Variants in TRHDE observed in about 807,000 individuals in gnomAD.
TRHDE encodes thyrotropin releasing hormone degrading enzyme, also known as thyrotropin-releasing hormone-degrading ectoenzyme.
TRHDE carries 72 observed loss-of-function variants against 125.7 expected under a neutral mutation model. That is an observed-to-expected ratio of 0.57 (90% CI 0.47 to 0.70). The LOEUF (loss-of-function observed/expected upper bound fraction) is 0.70, where lower values mean the gene tolerates loss of function less well. Among genes scored for constraint, TRHDE ranks in the 30% least tolerant of loss-of-function variants. The pLI is 0.00. For synonymous variants in TRHDE, 509 were observed against 509.1 expected (o/e 1.00, Z 0.00); for missense variants, 1,110 against 1,327.1 (o/e 0.84, Z 2.54).
intron 3 of TRHDE, among the ~76,000 whole-genome samples, chr12:72,404,677 G>A (rs1054599895): frequency 1.3e-5 from 2 of 152,028 alleles, no homozygotes; most frequent in African/African-American, 4.8e-5. Flanking sequence ...CATGACAACA[G>A]CACAAGAAAG....
chr12:72,553,319 G>A (rs1049666490), intron 7 of TRHDE, among the ~76,000 whole-genome samples: 3 of 152,080 alleles, frequency 2.0e-5, no homozygotes, highest in Non-Finnish European at 4.4e-5. Flanking sequence ...TACTATAATT[G>A]AAGGACAGTA....
At chr12:72,341,115 T>G (rs1870063872) in intron 2 of TRHDE, among the ~76,000 whole-genome samples, 1 of 151,578 alleles carries the variant, frequency 6.6e-6, no homozygotes, top group Admixed American at 6.6e-5. Context: ...CATTCTATTC[T>G]ATCAGGCTTT....
At chr12:72,167,974 A>G (rs1460243032) in intron 2 of TRHDE, among the ~76,000 whole-genome samples, 1 of 152,178 alleles carries the variant, frequency 6.6e-6, no homozygotes, top group Non-Finnish European at 1.5e-5. Context: ...CTAATCCTAT[A>G]TTGGTGGGCA....
At chr12:72,296,520 T>G (rs778276834) in intron 2 of TRHDE, among the ~76,000 whole-genome samples, 1 of 151,870 alleles carries the variant, frequency 6.6e-6, no homozygotes, top group Non-Finnish European at 1.5e-5. Flanking sequence ...TATTGTTGAT[T>G]TGTTAGTAAT....
In TRHDE at chr12:72,571,974, AACACAC is replaced by A. The variant is rs59206098; in HGVS notation, c.2132-3242_2132-3237del. On this transcript the variant is annotated intron_variant, in intron 10 of 18. Transcript: ENST00000261180. ...TTCCTACCGTTCCCCTGACTCTGCAAACACACACACACACACACACACACACACACA... is the reference window on the plus strand; with the variant it reads ...TTCCTACCGTTCCCCTGACTCTGCAAACACACACACACACACACACACACA... Among the ~76,000 whole-genome samples the A allele has an allele frequency of 1.8e-3, 233 of 127,514 alleles. 3 individuals are homozygous for A. The highest frequency in any genetic ancestry group is 8.1e-3 in the Middle Eastern group (2 of 246). 83.7% of individuals were successfully genotyped at this position (127,514 alleles called of 152,430 possible).
intron 5 of TRHDE, among the ~76,000 whole-genome samples, chr12:72,498,732 G>A (rs759667273): frequency 5.3e-5 from 8 of 152,070 alleles, no homozygotes; most frequent in Non-Finnish European, 7.4e-5. Flanking sequence ...TTTTAACATA[G>A]CAAATCAGCT....
At chr12:72,318,525 C>T (rs867993986) in intron 2 of TRHDE, among the ~76,000 whole-genome samples, 6 of 152,046 alleles carry the variant, frequency 3.9e-5, no homozygotes, top group Non-Finnish European at 7.4e-5. Context: ...TGACCTTGGC[C>T]GGTGCTGATG....
intron 2 of TRHDE, among the ~76,000 whole-genome samples, chr12:72,227,819 T>C (rs1371866471): frequency 6.6e-6 from 1 of 152,204 alleles, no homozygotes. Context: ...ATGAAGGGGC[T>C]ACAGGACCCA....
intron 5 of TRHDE, among the ~76,000 whole-genome samples, chr12:72,475,881 A>C (rs568559352): frequency 6.6e-6 from 1 of 152,288 alleles, no homozygotes; most frequent in South Asian, 2.1e-4. Flanking sequence ...AATAGTGAGA[A>C]GAAACAAGTC....
At chr12:72,538,464 A>C (rs1217581514) in intron 6 of TRHDE, among the ~76,000 whole-genome samples, 1 of 152,030 alleles carries the variant, frequency 6.6e-6, no homozygotes, top group Non-Finnish European at 1.5e-5. Flanking sequence ...TGCAAGTCAT[A>C]AAACAGAATA....
intron 3 of TRHDE, 40 bp from the exon 4 acceptor site, chr12:72,469,718 C>T (rs1008021999): frequency 1.9e-6 from 3 of 1,593,832 alleles, no homozygotes; most frequent in African/African-American, 2.7e-5. Flanking sequence ...AATCTGGTGT[C>T]TTTGTTAAAG....
chr12:72,434,388 CAAAAA>C (rs34254660), intron 3 of TRHDE, among the ~76,000 whole-genome samples: 12,210 of 81,864 alleles, frequency 0.15, 629 homozygotes, highest in Middle Eastern at 0.24. Flanking sequence ...CTCTATGTCT[CAAAAA>C]AAAAAAAAAA....
chr12:72,280,754 G>T (rs1879667796), intron 1 of TRHDE, among the ~76,000 whole-genome samples: 1 of 152,252 alleles, frequency 6.6e-6, no homozygotes, highest in Non-Finnish European at 1.5e-5. Flanking sequence ...ACCAGAGACT[G>T]AAGAGTCAGA....
intron 2 of TRHDE, among the ~76,000 whole-genome samples, chr12:72,179,901 A>C (rs1313702288): frequency 6.6e-6 from 1 of 152,056 alleles, no homozygotes; most frequent in Admixed American, 6.6e-5. Flanking sequence ...TCTTCTAGTT[A>C]TTTACAGGTT....
chr12:72,322,151 A>T (rs767919899), intron 2 of TRHDE, among the ~76,000 whole-genome samples: 2 of 152,192 alleles, frequency 1.3e-5, no homozygotes, highest in Non-Finnish European at 2.9e-5. Flanking sequence ...ACATGAACAG[A>T]ATGGCAAAAA....
chr12:72,249,579 C>A (rs1481568259), intron 2 of TRHDE, among the ~76,000 whole-genome samples: 1 of 152,092 alleles, frequency 6.6e-6, no homozygotes, highest in Non-Finnish European at 1.5e-5. Flanking sequence ...CATTATTAGT[C>A]ATCAGGAAAA....
intron 6 of TRHDE, among the ~76,000 whole-genome samples, chr12:72,503,139 A>G (rs1221007256): frequency 6.6e-6 from 1 of 152,174 alleles, no homozygotes; most frequent in Non-Finnish European, 1.5e-5. Flanking sequence ...GGAGACATAA[A>G]TAATAACTGC....
At chr12:72,618,832 C>A (rs567244017) in intron 12 of TRHDE, 59 bp from the exon 13 acceptor site, 4 of 1,365,334 alleles carry the variant, frequency 2.9e-6, no homozygotes, top group Admixed American at 2.8e-5. Context: ...CTTTTATTTG[C>A]GTAAGTAAAA....
At chr12:72,326,715 C>A (rs1269182064) in intron 2 of TRHDE, among the ~76,000 whole-genome samples, 2 of 152,194 alleles carry the variant, frequency 1.3e-5, no homozygotes, top group South Asian at 4.1e-4. Flanking sequence ...CCAAGAAAAT[C>A]ATCTTTATTA....
Sources: gnomAD v4.1 joint callset for allele counts (sites outside exome capture counted in the v4.1 genomes callset) on GRCh38, gnomAD v4.1.1 for gene constraint, MANE v1.5 for transcripts, NCBI Gene and HGNC (gene_info 2026-07-23, HGNC 2026-07-21) for gene names.